SLC12A6: variants seen among roughly 807,000 people sequenced by gnomAD.
SLC12A6 encodes solute carrier family 12 member 6, also known as K-Cl cotransporter 3.
A neutral mutation model predicts 135.3 loss-of-function variants in SLC12A6; 66 were observed. The ratio of observed to expected loss-of-function variants is 0.49; its 90% CI spans 0.40 to 0.60. The LOEUF is 0.60. Ranked by LOEUF, SLC12A6 falls within the 20% of genes least tolerant of loss-of-function variation. The pLI is 0.00. For missense variants in SLC12A6, 1,058 were observed against 1,452.3 expected, an observed-to-expected ratio of 0.73 and a Z score of 4.41; for synonymous variants, 513 against 508.8, an observed-to-expected ratio of 1.01 and a Z score of -0.11.
chr15:34,298,830 A>G (rs1896055067), intron 2 of SLC12A6, among the ~76,000 whole-genome samples: 2 of 152,128 alleles, frequency 1.3e-5, no homozygotes. Flanking sequence ...ATTCCATTGC[A>G]CTGCCATCAT....
At position 34,336,608 on chromosome 15, in the gene SLC12A6, T is replaced by C. The variant is rs1370247909; in HGVS notation, c.73A>G (p.Ile25Val). 9 of 1,613,514 alleles carry C rather than the reference T, an allele frequency of 5.6e-6. No homozygotes were observed. The highest frequency in any genetic ancestry group is 7.6e-6 in the Non-Finnish European group (9 of 1,179,582). ...FMVTPTKIDD[I>V]PGLSDTSPDL... is the part of the protein sequence containing the mutation. ...GGACTGGTGTCTGACAAACCTGGAA[T>C]GTCATCGATCTTTGTCGGTGTCACC... The change falls in exon 2 of 26, where the codon ATT becomes GTT. Residue 25 changes from isoleucine (I) to valine (V), a missense_variant. Around this residue, in one of 6 missense-constraint regions of SLC12A6, gnomAD observed 176 missense variants for 168.9 expected, o/e 1.04. Coordinates refer to ENST00000354181, the MANE Select transcript of SLC12A6 (RefSeq NM_001365088.1).
intron 2 of SLC12A6, among the ~76,000 whole-genome samples, chr15:34,315,902 G>A (rs1265290247): frequency 2.0e-5 from 3 of 152,052 alleles, no homozygotes; most frequent in African/African-American, 4.8e-5. Context: ...TCACGCCACT[G>A]CACTCTAGCC....
chr15:34,252,390 T>C lies in SLC12A6; in HGVS notation c.1119-6A>G. 6.5e-7 allele frequency: 1 copy of C among 1,541,298 alleles called. No homozygotes were observed. Among genetic ancestry groups the C allele is most frequent in the East Asian group, 2.3e-5 (1 of 44,440 alleles). On this transcript the variant is annotated splice_polypyrimidine_tract_variant and splice_region_variant and intron_variant, in intron 9 of 25. Coordinates refer to ENST00000354181, the MANE Select transcript of SLC12A6 (RefSeq NM_001365088.1). ...GGTTACCCAGCATGCAGACCCTAAG[T>C]GAAAAGAAATAGGGAGAAAGATCAA...
Position 34,251,061 on chromosome 15 carries a change from C to A in SLC12A6, c.1334-4G>T, listed in dbSNP as rs2140729257. On this transcript the variant is annotated splice_region_variant and splice_polypyrimidine_tract_variant and intron_variant, in intron 10 of 25. Coordinates refer to ENST00000354181, the MANE Select transcript of SLC12A6 (RefSeq NM_001365088.1). Reference sequence around the variant, plus strand: ...AGGTAATTACTCCAAAGATTCTCTGCAGTGGGAAAAATGGGAATTTAAGCA... The same window carrying A: ...AGGTAATTACTCCAAAGATTCTCTGAAGTGGGAAAAATGGGAATTTAAGCA... The A allele has an allele frequency of 6.3e-7, 1 of 1,596,602 alleles. No individual in the cohort carries two copies. The highest frequency in any genetic ancestry group is 8.6e-7 in the Non-Finnish European group (1 of 1,165,882).
At chr15:34,296,683 A>G (rs1055111479) in intron 2 of SLC12A6, among the ~76,000 whole-genome samples, 4 of 152,322 alleles carry the variant, frequency 2.6e-5, no homozygotes, top group African/African-American at 9.6e-5. Context: ...ATGCGTTGCT[A>G]ATGCAGCAGA....
At chr15:34,280,985 T>C in intron 2 of SLC12A6, among the ~76,000 whole-genome samples, 1 of 151,962 alleles carries the variant, frequency 6.6e-6, no homozygotes, top group East Asian at 1.9e-4. Flanking sequence ...AAAAAAAAAG[T>C]TGATCTCATA....
chr15:34,254,719 A>G, intron 8 of SLC12A6, 130 bp from the exon 9 acceptor site: 1 of 708,602 alleles, frequency 1.4e-6, no homozygotes, highest in Non-Finnish European at 2.4e-6. Flanking sequence ...GAATTAGCCT[A>G]GTTTCTAATA....
chr15:34,287,254 C>T (rs1216871496), intron 2 of SLC12A6, among the ~76,000 whole-genome samples: 1 of 152,148 alleles, frequency 6.6e-6, no homozygotes, highest in Non-Finnish European at 1.5e-5. Context: ...GATCTTGTGA[C>T]AGTTTGCTGA....
At chr15:34,235,575 C>T (rs1429239100) in intron 24 of SLC12A6, among the ~76,000 whole-genome samples, 1 of 151,590 alleles carries the variant, frequency 6.6e-6, no homozygotes, top group East Asian at 1.9e-4. Context: ...GCTGGGATTA[C>T]AGGCCCCCAC....
chr15:34,309,478 C>G (rs778473791), intron 2 of SLC12A6, among the ~76,000 whole-genome samples: 6 of 151,922 alleles, frequency 3.9e-5, no homozygotes, highest in Non-Finnish European at 7.4e-5. Context: ...AAGTAGCAGA[C>G]AGTTGACAGA....
At chr15:34,314,136 C>T (rs6495656) in intron 2 of SLC12A6, among the ~76,000 whole-genome samples, 5,924 of 151,762 alleles carry the variant, frequency 0.039, 217 homozygotes, top group African/African-American at 0.098. Flanking sequence ...CAACCTCCGC[C>T]TCCTGGGTTC....
chr15:34,241,974 A>G lies in SLC12A6; in HGVS notation c.2162+128T>C, dbSNP rs956009327. Reference sequence around the variant, plus strand: ...GCATCATTAAGATGGTTAAAGAATTAGGGGTACAAAATATAGTTATGAAAA... The same window carrying G: ...GCATCATTAAGATGGTTAAAGAATTGGGGGTACAAAATATAGTTATGAAAA... On this transcript the variant is annotated intron_variant, in intron 17 of 25. Transcript: ENST00000354181. 8.9e-5 allele frequency: 66 copies of G among 740,064 alleles called. 1 individual carries two copies. In the Admixed American group the frequency reaches 1.2e-3, roughly 14 times the overall value. The allele number at this position is 740,064 out of a possible 1,614,324, so 45.8% of individuals were successfully genotyped here.
chr15:34,257,623 G>C lies in SLC12A6; in HGVS notation c.690+19C>G. The stretch of plus-strand genomic sequence containing the variant: ...CTTGCAACGTTCAGGTGATCTCTAG[G>C]AGCCAGTGCAGTACTTACACAGCAG... On this transcript the variant is annotated intron_variant, in intron 6 of 25. Transcript: ENST00000354181. 6.2e-7 allele frequency: 1 copy of C among 1,609,654 alleles called. No individual in the cohort carries two copies. Among genetic ancestry groups the C allele is most frequent in the Non-Finnish European group, 8.5e-7 (1 of 1,176,018 alleles).
chr15:34,286,467 A>G (rs1203219108), intron 2 of SLC12A6, among the ~76,000 whole-genome samples: 1 of 152,102 alleles, frequency 6.6e-6, no homozygotes, highest in African/African-American at 2.4e-5. Flanking sequence ...AATAGCATTC[A>G]TAAGTCTAAA....
intron 2 of SLC12A6, chr15:34,318,907 G>A (rs114815919): frequency 2.8e-6 from 3 of 1,058,508 alleles, no homozygotes; most frequent in Non-Finnish European, 3.9e-6. Context: ...AAAGGATTAA[G>A]CACTCCACCC....
chr15:34,230,058 CAT>C lies in SLC12A6; in HGVS notation c.*3821_*3822del, dbSNP rs539180054. The C allele has an allele frequency of 4.4e-3, 1,944 of 442,148 alleles. 8 individuals carry two copies. Among genetic ancestry groups the C allele is most frequent in the Middle Eastern group, 8.7e-3 (15 of 1,724 alleles). 27.4% of individuals were successfully genotyped at this position (442,148 alleles called of 1,614,324 possible). A position where few individuals can be genotyped will look rare whatever the true frequency, so the allele number is the denominator to read the frequency against. ...ACAGAGCAAAACAACAACAAAAAAA[CAT>C]AACTATGTAAACAAGAGAATAACTG... On this transcript the variant is annotated 3_prime_UTR_variant, in exon 26 of 26. Transcript: ENST00000354181.
rs912894542 is a variant in SLC12A6 at position 34,256,141 on chromosome 15, A to G, written c.745+88T>C. The G allele has an allele frequency of 9.9e-5, 83 of 835,984 alleles. No homozygotes were observed. In the African/African-American group the frequency reaches 1.0e-3, roughly 10 times the overall value. The allele number at this position is 835,984 out of a possible 1,614,324, so 51.8% of individuals were successfully genotyped here. On this transcript the variant is annotated intron_variant, in intron 7 of 25. Coordinates refer to ENST00000354181, the MANE Select transcript of SLC12A6 (RefSeq NM_001365088.1). ...CACAGAACAGACCAAATAGTATTCT[A>G]TTCTTCAGAAGTTTGCACCTCTAGC... is the stretch of plus-strand genomic sequence containing the variant.
chr15:34,318,892 A>T, intron 2 of SLC12A6: 1 of 1,254,834 alleles, frequency 8.0e-7, no homozygotes. Flanking sequence ...TTTATCATTC[A>T]CTTAAAAGGA....
At chr15:34,235,940 G>T in intron 24 of SLC12A6, 75 bp downstream of exon 24, 1 of 1,123,502 alleles carries the variant, frequency 8.9e-7, no homozygotes, top group Non-Finnish European at 1.4e-6. Context: ...ACTCCATCCT[G>T]TGTGTCCAGG....
Sources: allele counts gnomAD v4.1 joint callset (sites outside exome capture counted in the v4.1 genomes callset), GRCh38; gene constraint gnomAD v4.1.1; regional missense constraint gnomAD v4.1.1; transcripts MANE v1.5; gene names NCBI Gene and HGNC (gene_info 2026-07-23, HGNC 2026-07-21).